The following EIF3A variants were observed in gnomAD, a reference collection of about 807,000 sequenced individuals.
The protein encoded by EIF3A is eukaryotic translation initiation factor 3 subunit A.
In EIF3A, 21 loss-of-function variants were observed where a neutral mutation model predicts 186.6. That is an observed-to-expected ratio of 0.11 (90% CI 0.08 to 0.16). The LOEUF (loss-of-function observed/expected upper bound fraction) is 0.16, where lower values mean the gene tolerates loss of function less well. Among genes scored for constraint, EIF3A ranks in the 10% least tolerant of loss-of-function variants. The probability of loss-of-function intolerance (pLI) is 1.00; values close to 1 mark genes in which losing one functional copy is unlikely to be tolerated. For missense variants in EIF3A, 1,306 were observed against 1,796.3 expected, an observed-to-expected ratio of 0.73 and a Z score of 4.93; for synonymous variants, 563 against 584.3, an observed-to-expected ratio of 0.96 and a Z score of 0.52.
chr10:119,070,994 G>A lies in EIF3A; in HGVS notation c.633C>T (p.His211=), dbSNP rs780602222. 5 of 1,613,926 alleles carry A rather than the reference G, an allele frequency of 3.1e-6. No homozygotes were observed. The highest frequency in any genetic ancestry group is 1.7e-6 in the Non-Finnish European group (2 of 1,179,906). The change falls in exon 5 of 22, where the codon CAC becomes CAT. Residue 211 remains histidine (H), a synonymous_variant. Transcript: ENST00000369144. ...LRMHLSQIQR[H]HNQSTAINLN... is the part of the protein sequence containing the mutation. ...GATTGATTGCCGTACTTTGGTTATG[G>A]TGGCGCTGAATCTGCGATAAGTGCA...
chr10:119,050,798 A>T (rs1256410587), intron 15 of EIF3A, 124 bp from the exon 16 acceptor site: 1 of 1,047,646 alleles, frequency 9.5e-7, no homozygotes, highest in Non-Finnish European at 1.4e-6. Context: ...GCAACCTCTC[A>T]GCACAAAAAC....
At position 119,061,205 on chromosome 10, in the gene EIF3A, C is replaced by A; in HGVS notation, c.1227+19G>T. The A allele has an allele frequency of 7.1e-7, 1 of 1,415,592 alleles. No homozygotes were observed. 87.7% of individuals were successfully genotyped at this position (1,415,592 alleles called of 1,614,324 possible). A position where few individuals can be genotyped will look rare whatever the true frequency, so the allele number is the denominator to read the frequency against. On this transcript the variant is annotated intron_variant, in intron 8 of 21. Transcript: ENST00000369144. ...GCCAACTCTGTGGTAACAACCAGAA[C>A]TTAAATACAAAGGCTTACCTTTGTG...
chr10:119,050,744 A>G (rs1848345833), intron 15 of EIF3A, 70 bp from the exon 16 acceptor site: 1 of 1,549,694 alleles, frequency 6.5e-7, no homozygotes, highest in Non-Finnish European at 8.9e-7. Context: ...GCAGAAAGCT[A>G]TTAGGTTTAC....
chr10:119,073,294 TAA>T, intron 3 of EIF3A, 145 bp downstream of exon 3: 1 of 699,954 alleles, frequency 1.4e-6, no homozygotes, highest in South Asian at 2.1e-5. Flanking sequence ...ATTACCTACA[TAA>T]ATTAACTGGT....
chr10:119,036,071 C>G lies in EIF3A; in HGVS notation c.4117G>C (p.Asp1373His). 1 of 1,614,032 alleles carries G rather than the reference C, an allele frequency of 6.2e-7. No individual in the cohort carries two copies. Among genetic ancestry groups the G allele is most frequent in the Non-Finnish European group, 8.5e-7 (1 of 1,179,902 alleles). ...CGTACTGTGGTCCATCCATCTTCAT[C>G]AGTCTCATTTTTAGTACGACGGAGA... ...ESLRRTKNET[D>H]EDGWTTVRR Residue 1373 changes from aspartate to histidine, a missense_variant, in exon 22 of 22, where the codon GAT (aspartate) becomes CAT (histidine). Coordinates refer to ENST00000369144, the MANE Select transcript of EIF3A (RefSeq NM_003750.4).
In EIF3A at chr10:119,035,952, T is replaced by C. The variant is rs1848121890; in HGVS notation, c.*87A>G. The C allele has an allele frequency of 1.0e-6, 1 of 1,000,452 alleles. No individual in the cohort carries two copies. The highest frequency in any genetic ancestry group is 2.0e-5 in the Admixed American group (1 of 49,812). 62.0% of individuals were successfully genotyped at this position (1,000,452 alleles called of 1,614,324 possible). A position where few individuals can be genotyped will look rare whatever the true frequency, so the allele number is the denominator to read the frequency against. On this transcript the variant is annotated 3_prime_UTR_variant, in exon 22 of 22. Coordinates refer to ENST00000369144, the MANE Select transcript of EIF3A (RefSeq NM_003750.4). ...GGTGAAACAACATTAAAGAATCCAA[T>C]TTAGATTGGTTGAAGCACAAGTATA...
In EIF3A at chr10:119,054,479, C is replaced by T. The variant is rs530298226; in HGVS notation, c.2196+2261G>A. ...CCTGTAATCCCAGCACTTTGGGAGG[C>T]CGAGATGAGCAGATCACCTGAGGCC... On this transcript the variant is annotated intron_variant, in intron 14 of 21. Coordinates refer to ENST00000369144, the MANE Select transcript of EIF3A (RefSeq NM_003750.4). Among the ~76,000 whole-genome samples, 34 of 151,280 alleles carry T rather than the reference C, an allele frequency of 2.2e-4. No individual in the cohort carries two copies. In the South Asian group the frequency reaches 6.9e-3, roughly 31 times the overall value.
intron 18 of EIF3A, among the ~76,000 whole-genome samples, chr10:119,043,219 G>A (rs987449446): frequency 1.3e-5 from 2 of 152,112 alleles, no homozygotes; most frequent in Non-Finnish European, 2.9e-5. Context: ...AGGAGTTCAA[G>A]ACCAGCCTGG....
chr10:119,054,882 C>T (rs1440842844), intron 14 of EIF3A, among the ~76,000 whole-genome samples: 1 of 152,118 alleles, frequency 6.6e-6, no homozygotes, highest in Non-Finnish European at 1.5e-5. Context: ...ACTTAAAAGC[C>T]ATTGTGGAAT....
chr10:119,067,041 C>T (rs751843535), intron 6 of EIF3A, among the ~76,000 whole-genome samples: 2 of 151,698 alleles, frequency 1.3e-5, no homozygotes, highest in African/African-American at 4.8e-5. Flanking sequence ...GGTGAAACCC[C>T]GTTTCTACTA....
chr10:119,076,734 C>T, intron 1 of EIF3A, among the ~76,000 whole-genome samples: 1 of 151,790 alleles, frequency 6.6e-6, no homozygotes, highest in East Asian at 1.9e-4. Flanking sequence ...TCAGGAGTTC[C>T]AGATCAGCCT....
chr10:119,050,932 C>G (rs1441124681), intron 15 of EIF3A, among the ~76,000 whole-genome samples: 1 of 152,194 alleles, frequency 6.6e-6, no homozygotes, highest in Admixed American at 6.5e-5. Flanking sequence ...AAATTAGAAT[C>G]TAAGCCCAGG....
Position 119,073,836 on chromosome 10 carries a change from T to G in EIF3A, c.151A>C (p.Met51Leu). The G allele has an allele frequency of 6.2e-7, 1 of 1,613,998 alleles. No homozygotes were observed. The highest frequency in any genetic ancestry group is 1.1e-5 in the South Asian group (1 of 91,000). The change falls in exon 2 of 22, where the codon ATG (methionine) becomes CTG (leucine). Residue 51 changes from methionine to leucine, a missense_variant. Physicochemically the swap from Met to Leu is conservative, Grantham distance 15 (BLOSUM62 2). Coordinates refer to ENST00000369144, the MANE Select transcript of EIF3A (RefSeq NM_003750.4). ...ACGCAAAGTTCCAAGTATTTCAACA[T>G]AATTGGTTCGTGTATCTTTTGCCAT... ...RTWQKIHEPI[M>L]LKYLELCVDL...
At chr10:119,063,594 T>A (rs1843924171) in intron 7 of EIF3A, among the ~76,000 whole-genome samples, 1 of 152,182 alleles carries the variant, frequency 6.6e-6, no homozygotes, top group South Asian at 2.1e-4. Flanking sequence ...CAAGTACTTA[T>A]CCCTCTTTCT....
chr10:119,042,543 C>T lies in EIF3A; in HGVS notation c.2977G>A (p.Asp993Asn), dbSNP rs747890771. ...DDDRPSWRNTDDDRPPRRIAD... is the reference protein window; with the variant it reads ...DDDRPSWRNTNDDRPPRRIAD... ...ATTCGTCTGGGAGGCCTGTCATCAT[C>T]TGTGTTACGCCAGGAAGGCCGGTCA... The change falls in exon 19 of 22, where the codon GAT (aspartate) becomes AAT (asparagine). Residue 993 changes from aspartate (D) to asparagine (N), a missense_variant. Around this residue, in one of 8 missense-constraint regions of EIF3A, gnomAD observed 410 missense variants for 473.5 expected, o/e 0.87. Transcript: ENST00000369144. The surrounding 1 kb of genome is among the most constrained non-coding windows in gnomAD (Gnocchi z 7.8). 23 of 1,614,014 alleles carry T rather than the reference C, an allele frequency of 1.4e-5. No individual in the cohort carries two copies. Among genetic ancestry groups the T allele is most frequent in the Non-Finnish European group, 1.9e-5 (22 of 1,180,014 alleles).
chr10:119,075,825 T>G (rs1554873629), intron 1 of EIF3A, among the ~76,000 whole-genome samples: 1 of 139,376 alleles, frequency 7.2e-6, no homozygotes, highest in Non-Finnish European at 1.5e-5. Flanking sequence ...GTCATTCTCC[T>G]GCCTCAGCCT....
intron 7 of EIF3A, among the ~76,000 whole-genome samples, chr10:119,064,213 T>C (rs560466112): frequency 6.6e-6 from 1 of 152,344 alleles, no homozygotes; most frequent in South Asian, 2.1e-4. Flanking sequence ...ATTAAGTCCA[T>C]ACTATTTAGT....
At chr10:119,067,812 T>C (rs943854932) in intron 6 of EIF3A, among the ~76,000 whole-genome samples, 3 of 152,022 alleles carry the variant, frequency 2.0e-5, no homozygotes, top group South Asian at 2.1e-4. Context: ...CTAAGTCCAA[T>C]AGCATTTTTT....
At chr10:119,046,914 G>A (rs1181383679) in intron 17 of EIF3A, among the ~76,000 whole-genome samples, 9 of 151,556 alleles carry the variant, frequency 5.9e-5, no homozygotes, top group Non-Finnish European at 1.3e-4. Flanking sequence ...CCGAGATCTC[G>A]CCATTGCACT....
Sources: gnomAD v4.1 joint callset for allele counts (sites outside exome capture counted in the v4.1 genomes callset) on GRCh38, gnomAD v4.1.1 for gene constraint, gnomAD v4.1.1 regional missense constraint, Gnocchi (gnomAD v3.1) non-coding constraint, MANE v1.5 for transcripts, NCBI Gene and HGNC (gene_info 2026-07-23, HGNC 2026-07-21) for gene names.